ADAM11: variants seen among roughly 807,000 people sequenced by gnomAD.
ADAM11 encodes ADAM metallopeptidase domain 11.
ADAM11 carries 49 observed loss-of-function variants against 119.1 expected under a neutral mutation model. The ratio of observed to expected loss-of-function variants is 0.41; its 90% CI spans 0.33 to 0.52. The LOEUF (loss-of-function observed/expected upper bound fraction) is 0.52. Ranked by LOEUF, ADAM11 falls within the 20% of genes least tolerant of loss-of-function variation. The pLI is 0.20. For synonymous variants in ADAM11, 364 were observed against 408.0 expected (o/e 0.89, Z 1.30); for missense variants, 777 against 1,047.5 (o/e 0.74, Z 3.56).
Position 44,771,739 on chromosome 17 carries a change from C to A in ADAM11, c.468-17C>A. On this transcript the variant is annotated splice_polypyrimidine_tract_variant and intron_variant, in intron 5 of 26. Coordinates refer to ENST00000200557, the MANE Select transcript of ADAM11 (RefSeq NM_002390.6). Reference sequence around the variant, plus strand: ...CAGGCCTGGGGACGGAGGGGAGCTGCGCCTCTCTCTCCACAGTGGGGTCTT... The same window carrying A: ...CAGGCCTGGGGACGGAGGGGAGCTGAGCCTCTCTCTCCACAGTGGGGTCTT... The A allele has an allele frequency of 6.2e-7, 1 of 1,613,650 alleles. No individual in the cohort carries two copies. The highest frequency in any genetic ancestry group is 8.5e-7 in the Non-Finnish European group (1 of 1,179,768).
Position 44,776,311 on chromosome 17 carries a change from A to G in ADAM11, c.1566+104A>G. On this transcript the variant is annotated intron_variant, in intron 18 of 26. Coordinates refer to ENST00000200557, the MANE Select transcript of ADAM11 (RefSeq NM_002390.6). This position sits in a 1 kb window ranked among gnomAD's most constrained non-coding sequence, Gnocchi z 5.2. The stretch of plus-strand genomic sequence containing the variant: ...TGCTCAGCACTCCCCTCCTCTCCAC[A>G]GCTGGCATCGACCTCCACTGATCAG... 4 of 1,271,532 alleles carry G rather than the reference A, an allele frequency of 3.1e-6. No individual in the cohort carries two copies. The highest frequency in any genetic ancestry group is 4.5e-6 in the Non-Finnish European group (4 of 886,518). 78.8% of individuals were successfully genotyped at this position (1,271,532 alleles called of 1,614,324 possible).
chr17:44,769,578 C>A, intron 2 of ADAM11, 140 bp from the exon 3 acceptor site: 1 of 662,064 alleles, frequency 1.5e-6, no homozygotes, highest in Non-Finnish European at 2.7e-6. Context: ...GACAAAGCAT[C>A]TTGCCCCCAA....
rs923305492 is a variant in ADAM11, at chr17:44,779,924, A to T, written c.*170A>T. On this transcript the variant is annotated 3_prime_UTR_variant, in exon 27 of 27. Transcript: ENST00000200557. ...TGGGGGCTGTGGCCCTGCCCTTGGCACCACCAGGGTGGACCAGGCCTGGAG... is the reference window on the plus strand; with the variant it reads ...TGGGGGCTGTGGCCCTGCCCTTGGCTCCACCAGGGTGGACCAGGCCTGGAG... 3 of 991,298 alleles carry T rather than the reference A, an allele frequency of 3.0e-6. No individual in the cohort carries two copies. Among genetic ancestry groups the T allele is most frequent in the African/African-American group, 3.2e-5 (2 of 62,424 alleles). The allele number at this position is 991,298 out of a possible 1,614,324, so 61.4% of individuals were successfully genotyped here.
At chr17:44,763,122 T>C (rs759088899) in intron 2 of ADAM11, among the ~76,000 whole-genome samples, 41 of 152,036 alleles carry the variant, frequency 2.7e-4, no homozygotes, top group Non-Finnish European at 5.4e-4. Flanking sequence ...GGCTACAGAG[T>C]GAGATCCTGT....
At position 44,775,564 on chromosome 17, in the gene ADAM11, C is replaced by T. The variant is rs1389144486; in HGVS notation, c.1393-20C>T. On this transcript the variant is annotated intron_variant, in intron 16 of 26. Transcript: ENST00000200557. The surrounding 1 kb of genome is among the most constrained non-coding windows in gnomAD (Gnocchi z 7.5). ...GATTAGGGCTCGCCCGCCTCCTTCC[C>T]CTCCTCCCGCGTCCCTCAGGAGTGC... The T allele has an allele frequency of 6.4e-7, 1 of 1,561,312 alleles. No individual in the cohort carries two copies. The highest frequency in any genetic ancestry group is 8.7e-7 in the Non-Finnish European group (1 of 1,155,712).
chr17:44,774,435 G>A, intron 12 of ADAM11, 56 bp downstream of exon 12: 1 of 1,584,244 alleles, frequency 6.3e-7, no homozygotes. Flanking sequence ...GGCTTCAGGG[G>A]CACGACGTGC....
chr17:44,772,642 T>C lies in ADAM11; in HGVS notation c.678+176T>C, dbSNP rs542665442. The stretch of plus-strand genomic sequence containing the variant: ...GGAGAAGCCCCCACCCCTTCCCTAA[T>C]GCTGGCATCTACAGAGGCCCCATCC... On this transcript the variant is annotated intron_variant, in intron 8 of 26. Coordinates refer to ENST00000200557, the MANE Select transcript of ADAM11 (RefSeq NM_002390.6). This position sits in a 1 kb window ranked among gnomAD's most constrained non-coding sequence, Gnocchi z 4.5. Among the ~76,000 whole-genome samples the C allele has an allele frequency of 1.3e-5, 2 of 152,108 alleles. No individual in the cohort carries two copies. Among genetic ancestry groups the C allele is most frequent in the African/African-American group, 4.8e-5 (2 of 41,514 alleles).
intron 2 of ADAM11, among the ~76,000 whole-genome samples, chr17:44,768,102 G>A (rs1258006589): frequency 1.3e-5 from 2 of 152,342 alleles, no homozygotes; most frequent in Non-Finnish European, 2.9e-5. Context: ...CAAGGGGTCT[G>A]GCAGGCTGCT....
Position 44,777,306 on chromosome 17 carries a change from C to T in ADAM11, c.1781+41C>T. 6.4e-7 allele frequency: 1 copy of T among 1,569,098 alleles called. No homozygotes were observed. Among genetic ancestry groups the T allele is most frequent in the Non-Finnish European group, 8.7e-7 (1 of 1,155,202 alleles). On this transcript the variant is annotated intron_variant, in intron 21 of 26. Transcript: ENST00000200557. The surrounding 1 kb of genome is among the most constrained non-coding windows in gnomAD (Gnocchi z 5.1). Reference sequence around the variant, plus strand: ...CCCAGAGGGCCTCTCAGCTCCAGGGCAGGTGTGAGACTTTTCAGAGATGGG... The same window carrying T: ...CCCAGAGGGCCTCTCAGCTCCAGGGTAGGTGTGAGACTTTTCAGAGATGGG...
At chr17:44,760,945 T>G (rs2049381470) in intron 2 of ADAM11, among the ~76,000 whole-genome samples, 1 of 138,830 alleles carries the variant, frequency 7.2e-6, no homozygotes, top group Admixed American at 8.0e-5. Flanking sequence ...GAAGGGAGCA[T>G]GCATAATAGA....
At position 44,779,765 on chromosome 17, in the gene ADAM11, C is replaced by T. The variant is rs1347580794; in HGVS notation, c.*11C>T. On this transcript the variant is annotated 3_prime_UTR_variant, in exon 27 of 27. Coordinates refer to ENST00000200557, the MANE Select transcript of ADAM11 (RefSeq NM_002390.6). ...TCCGGAGGGGCCTAAGTGCCACCCT[C>T]CTCCCTCCAAGCCTGGCACCCACCG... is the stretch of plus-strand genomic sequence containing the variant. The T allele has an allele frequency of 6.2e-7, 1 of 1,610,502 alleles. No homozygotes were observed. The highest frequency in any genetic ancestry group is 1.1e-5 in the South Asian group (1 of 90,828).
intron 14 of ADAM11, 127 bp downstream of exon 14, chr17:44,774,876 A>G: frequency 8.1e-7 from 1 of 1,234,240 alleles, no homozygotes. Flanking sequence ...GATCCCAAGA[A>G]GCCCAGTTTT....
In ADAM11 at chr17:44,776,597, C is replaced by T. The variant is rs1300602288; in HGVS notation, c.1567-148C>T. On this transcript the variant is annotated intron_variant, in intron 18 of 26. Coordinates refer to ENST00000200557, the MANE Select transcript of ADAM11 (RefSeq NM_002390.6). The surrounding 1 kb of genome is among the most constrained non-coding windows in gnomAD (Gnocchi z 5.2). ...AAATCCGTGTGGTCTGGGTCCAGAA[C>T]CAGACAGATCGCTTGTCCTAGGCGT... The T allele has an allele frequency of 1.2e-5, 13 of 1,048,834 alleles. No homozygotes were observed. The highest frequency in any genetic ancestry group is 1.8e-5 in the Non-Finnish European group (13 of 733,496). The allele number at this position is 1,048,834 out of a possible 1,614,324, so 65.0% of individuals were successfully genotyped here. A position where few individuals can be genotyped will look rare whatever the true frequency, so the allele number is the denominator to read the frequency against.
chr17:44,773,343 A>G lies in ADAM11; in HGVS notation c.908A>G (p.Asp303Gly), dbSNP rs2049553289. 11 of 1,613,866 alleles carry G rather than the reference A, an allele frequency of 6.8e-6. No homozygotes were observed. Among genetic ancestry groups the G allele is most frequent in the Non-Finnish European group, 8.5e-6 (10 of 1,180,006 alleles). ...WADGDKIQVQ[D>G]DLLETLARLM... ...GATGGGGACAAGATCCAGGTGCAGGATGACCTCCTGGAGACCCTGGCCCGG... is the reference window on the plus strand; with the variant it reads ...GATGGGGACAAGATCCAGGTGCAGGGTGACCTCCTGGAGACCCTGGCCCGG... Residue 303 changes from aspartate (D) to glycine (G), a missense_variant, in exon 11 of 27, where the codon GAT (aspartate) becomes GGT (glycine). Asp to Gly is a moderately conservative substitution (Grantham distance 94). Coordinates refer to ENST00000200557, the MANE Select transcript of ADAM11 (RefSeq NM_002390.6). The surrounding 1 kb of genome is among the most constrained non-coding windows in gnomAD (Gnocchi z 4.6).
chr17:44,775,727 G>A lies in ADAM11; in HGVS notation c.1485+51G>A. 6.6e-7 allele frequency: 1 copy of A among 1,524,606 alleles called. No homozygotes were observed. The highest frequency in any genetic ancestry group is 8.8e-7 in the Non-Finnish European group (1 of 1,135,518). The allele number at this position is 1,524,606 out of a possible 1,614,324, so 94.4% of individuals were successfully genotyped here. A position where few individuals can be genotyped will look rare whatever the true frequency, so the allele number is the denominator to read the frequency against. ...GGCCAGGACGCAGGAGGAGCGATTG[G>A]AGGCCTTCATATAAGGGGTGGGAGC... On this transcript the variant is annotated intron_variant, in intron 17 of 26. Transcript: ENST00000200557. The surrounding 1 kb of genome is among the most constrained non-coding windows in gnomAD (Gnocchi z 7.5).
rs2049546396 is a variant in ADAM11, at chr17:44,772,967, G to C, written c.753+36G>C. ...GGGCAGGGACAGGGCGTGACACTGGGAGGCCCCTGAGGAGCCTGGCCCTCC... is the reference window on the plus strand; with the variant it reads ...GGGCAGGGACAGGGCGTGACACTGGCAGGCCCCTGAGGAGCCTGGCCCTCC... On this transcript the variant is annotated intron_variant, in intron 9 of 26. Transcript: ENST00000200557. The surrounding 1 kb of genome is among the most constrained non-coding windows in gnomAD (Gnocchi z 4.5). 2 of 1,614,040 alleles carry C rather than the reference G, an allele frequency of 1.2e-6. No individual in the cohort carries two copies. The highest frequency in any genetic ancestry group is 1.3e-5 in the African/African-American group (1 of 75,042).
At chr17:44,760,779 A>C (rs1206574309) in intron 2 of ADAM11, among the ~76,000 whole-genome samples, 1 of 151,792 alleles carries the variant, frequency 6.6e-6, no homozygotes, top group African/African-American at 2.4e-5. Flanking sequence ...GGGCAGAGGG[A>C]GGAAGGAGGG....
Position 44,775,323 on chromosome 17 carries a change from G to C in ADAM11, c.1320+12G>C, listed in dbSNP as rs2049583914. On this transcript the variant is annotated intron_variant, in intron 15 of 26. Coordinates refer to ENST00000200557, the MANE Select transcript of ADAM11 (RefSeq NM_002390.6). This position sits in a 1 kb window ranked among gnomAD's most constrained non-coding sequence, Gnocchi z 7.5. Reference sequence around the variant, plus strand: ...ACAAGCCCCTCAAGGTACCAGCCCCGCGGCGGGGAGCATGGGAGCGGGCCC... The same window carrying C: ...ACAAGCCCCTCAAGGTACCAGCCCCCCGGCGGGGAGCATGGGAGCGGGCCC... The C allele has an allele frequency of 1.9e-6, 3 of 1,613,602 alleles. No homozygotes were observed. In the African/African-American group the frequency reaches 4.0e-5, roughly 22 times the overall value.
At position 44,772,475 on chromosome 17, in the gene ADAM11, G is replaced by A. The variant is rs1431851536; in HGVS notation, c.678+9G>A. 3.2e-6 allele frequency: 5 copies of A among 1,562,592 alleles called. No homozygotes were observed. The highest frequency in any genetic ancestry group is 2.7e-5 in the African/African-American group (2 of 73,816). On this transcript the variant is annotated intron_variant, in intron 8 of 26. Coordinates refer to ENST00000200557, the MANE Select transcript of ADAM11 (RefSeq NM_002390.6). This position sits in a 1 kb window ranked among gnomAD's most constrained non-coding sequence, Gnocchi z 4.5. Reference sequence around the variant, plus strand: ...TGAGAAGGAAAAGGCAGGTACGGGGGCCCGCACAGACCTCGGGCTGCAGAG... The same window carrying A: ...TGAGAAGGAAAAGGCAGGTACGGGGACCCGCACAGACCTCGGGCTGCAGAG...
Sources: gnomAD v4.1 joint callset for allele counts (sites outside exome capture counted in the v4.1 genomes callset) on GRCh38, gnomAD v4.1.1 for gene constraint, Gnocchi (gnomAD v3.1) non-coding constraint, MANE v1.5 for transcripts, NCBI Gene and HGNC (gene_info 2026-07-23, HGNC 2026-07-21) for gene names.